The following DNAH9 variants were observed in gnomAD, a reference collection of about 807,000 sequenced individuals.
The protein encoded by DNAH9 is dynein axonemal heavy chain 9.
A neutral mutation model predicts 471.6 loss-of-function variants in DNAH9; 345 were observed. The ratio of observed to expected loss-of-function variants is 0.73; its 90% CI spans 0.67 to 0.80. The LOEUF is 0.80. Ranked by LOEUF, DNAH9 falls within the 30% of genes least tolerant of loss-of-function variation. The pLI is 0.00. For synonymous variants in DNAH9, 2,093 were observed against 2,123.6 expected (o/e 0.99, Z 0.40); for missense variants, 5,407 against 5,609.2 (o/e 0.96, Z 1.15).
intron 43 of DNAH9, among the ~76,000 whole-genome samples, chr17:11,798,002 G>C (rs371663670): frequency 6.6e-6 from 1 of 152,126 alleles, no homozygotes; most frequent in Non-Finnish European, 1.5e-5. Flanking sequence ...GCAGGAATGG[G>C]TTCATTTCCA....
At chr17:11,677,823 G>A (rs1362088508) in intron 17 of DNAH9, among the ~76,000 whole-genome samples, 1 of 151,356 alleles carries the variant, frequency 6.6e-6, no homozygotes, top group Non-Finnish European at 1.5e-5. Flanking sequence ...CTGTTCTAAT[G>A]CTTACCACTG....
At chr17:11,736,969 G>T (rs756851162) in intron 28 of DNAH9, among the ~76,000 whole-genome samples, 1 of 152,182 alleles carries the variant, frequency 6.6e-6, no homozygotes, top group Admixed American at 6.5e-5. Flanking sequence ...GGAAGACTGG[G>T]GACAAAGGAG....
At chr17:11,702,875 G>A (rs189149052) in intron 24 of DNAH9, among the ~76,000 whole-genome samples, 111 of 152,050 alleles carry the variant, frequency 7.3e-4, no homozygotes, top group African/African-American at 2.5e-3. Flanking sequence ...GGTGGATCAC[G>A]AGGTCAGGAG....
intron 40 of DNAH9, among the ~76,000 whole-genome samples, chr17:11,783,963 C>T (rs1968763065): frequency 1.3e-5 from 2 of 151,986 alleles, no homozygotes; most frequent in South Asian, 4.2e-4. Context: ...TGATTTGATC[C>T]CTCTTTCTTC....
chr17:11,862,337 C>T (rs1399252550), intron 50 of DNAH9, among the ~76,000 whole-genome samples: 4 of 121,390 alleles, frequency 3.3e-5, no homozygotes, highest in South Asian at 2.9e-4. Context: ...TGTAGATATG[C>T]GGCGTTATTT....
chr17:11,874,949 A>G lies in DNAH9; in HGVS notation c.10243A>G (p.Thr3415Ala). ...TGGGGTGGTGTTTCTTCTTCACCAGACTCCCATTCCAGTCACCCCAGCCCT... is the reference window on the plus strand; with the variant it reads ...TGGGGTGGTGTTTCTTCTTCACCAGGCTCCCATTCCAGTCACCCCAGCCCT... ...TWRPYLSQLK[T>A]PIPVTPALDP... The change falls in exon 53 of 69, where the codon ACT becomes GCT. Residue 3415 changes from threonine (T) to alanine (A), a missense_variant and splice_region_variant. Around this residue, in one of 3 missense-constraint regions of DNAH9, gnomAD observed 4,636 missense variants for 4,900.3 expected, o/e 0.95. Transcript: ENST00000262442. 1 of 1,610,806 alleles carries G rather than the reference A, an allele frequency of 6.2e-7. No homozygotes were observed. The highest frequency in any genetic ancestry group is 8.5e-7 in the Non-Finnish European group (1 of 1,177,414).
intron 28 of DNAH9, among the ~76,000 whole-genome samples, chr17:11,731,529 C>T (rs1254439593): frequency 6.7e-6 from 1 of 148,406 alleles, no homozygotes; most frequent in Non-Finnish European, 1.5e-5. Context: ...AGGTATATCT[C>T]CTAATGCTAT....
chr17:11,888,063 A>G (rs1972934937), intron 57 of DNAH9, among the ~76,000 whole-genome samples: 1 of 151,762 alleles, frequency 6.6e-6, no homozygotes, highest in Non-Finnish European at 1.5e-5. Context: ...GCTTACTGCA[A>G]GCTCTGCCTC....
At chr17:11,853,916 G>A (rs572131173) in intron 49 of DNAH9, 87 bp from the exon 50 acceptor site, 276 of 1,316,220 alleles carry the variant, frequency 2.1e-4, no homozygotes, top group Admixed American at 3.8e-4. Flanking sequence ...CTTTCAAACC[G>A]ATCGCTCCAC....
intron 61 of DNAH9, among the ~76,000 whole-genome samples, chr17:11,919,494 C>CA (rs140861717): frequency 0.76 from 81,691 of 107,132 alleles, 29,432 homozygotes; most frequent in South Asian, 0.83. Context: ...GACTCCGTCT[C>CA]AAAAAAAAAA....
At chr17:11,809,719 T>G (rs1969819147) in intron 44 of DNAH9, among the ~76,000 whole-genome samples, 1 of 152,186 alleles carries the variant, frequency 6.6e-6, no homozygotes, top group Admixed American at 6.5e-5. Flanking sequence ...GTTTGAGTCT[T>G]ACATATAAGT....
At chr17:11,704,951 C>T (rs963817652) in intron 25 of DNAH9, 74 bp from the exon 26 acceptor site, 6 of 1,246,050 alleles carry the variant, frequency 4.8e-6, no homozygotes, top group Non-Finnish European at 7.0e-6. Context: ...GGCATCAGAC[C>T]CCTATGTGTC....
intron 27 of DNAH9, among the ~76,000 whole-genome samples, chr17:11,725,172 G>T (rs73292617): frequency 7.1e-6 from 1 of 140,546 alleles, no homozygotes; most frequent in African/African-American, 2.8e-5. Flanking sequence ...CCTGCTGTGC[G>T]GCCTGGTTCC....
intron 17 of DNAH9, 32 bp downstream of exon 17, chr17:11,669,826 T>G: frequency 6.4e-7 from 1 of 1,572,204 alleles, no homozygotes; most frequent in Non-Finnish European, 8.7e-7. Context: ...TCTTCCAGCA[T>G]GCTAGGCTGT....
Position 11,883,606 on chromosome 17 carries a change from G to A in DNAH9, c.10827G>A (p.Gln3609=). 2 of 1,614,136 alleles carry A rather than the reference G, an allele frequency of 1.2e-6. No individual in the cohort carries two copies. Among genetic ancestry groups the A allele is most frequent in the Non-Finnish European group, 1.7e-6 (2 of 1,180,012 alleles). ...EQLKSDLTKQ[Q]NGFKITLKTL... Reference sequence around the variant, plus strand: ...TGCAGTCCGATCTCACAAAGCAGCAGAATGGATTCAAAATTACCCTGAAAA... The same window carrying A: ...TGCAGTCCGATCTCACAAAGCAGCAAAATGGATTCAAAATTACCCTGAAAA... The change falls in exon 56 of 69, where the codon CAG becomes CAA. Residue 3609 remains glutamine (Q), a synonymous_variant. Transcript: ENST00000262442.
chr17:11,774,187 T>A (rs1968330469), intron 38 of DNAH9, among the ~76,000 whole-genome samples: 1 of 151,114 alleles, frequency 6.6e-6, no homozygotes, highest in Non-Finnish European at 1.5e-5. Context: ...ACACCACCCC[T>A]GTCGCTCCTT....
chr17:11,951,552 T>C (rs948507922), intron 67 of DNAH9, among the ~76,000 whole-genome samples: 8 of 151,904 alleles, frequency 5.3e-5, no homozygotes, highest in Non-Finnish European at 1.0e-4. Flanking sequence ...ATAGTGGCTA[T>C]GACAGGAGGA....
chr17:11,902,939 A>G (rs758997895), intron 60 of DNAH9, 27 bp downstream of exon 60: 63 of 1,604,146 alleles, frequency 3.9e-5, no homozygotes, highest in Non-Finnish European at 4.8e-5. Flanking sequence ...TGGAAGGCCC[A>G]GCATAGGCAT....
chr17:11,948,254 G>C (rs1380927296), intron 67 of DNAH9, among the ~76,000 whole-genome samples: 1 of 133,604 alleles, frequency 7.5e-6, no homozygotes, highest in Non-Finnish European at 1.6e-5. Context: ...TTTTGAGACG[G>C]AGTCTCACTC....
Sources: gnomAD v4.1 joint callset for allele counts (sites outside exome capture counted in the v4.1 genomes callset) on GRCh38, gnomAD v4.1.1 for gene constraint, gnomAD v4.1.1 regional missense constraint, MANE v1.5 for transcripts, NCBI Gene and HGNC (gene_info 2026-07-23, HGNC 2026-07-21) for gene names.